CERS1: variants seen among roughly 807,000 people sequenced by gnomAD.
CERS1 encodes ceramide synthase 1, also known as Embryonic growth/differentiation factor 1.
Under a neutral mutation model 35.7 loss-of-function variants are expected in CERS1, and 16 were observed. The observed-to-expected ratio is 0.45, with a 90% CI of 0.30 to 0.68. The LOEUF (loss-of-function observed/expected upper bound fraction) is 0.68, where lower values mean the gene tolerates loss of function less well. Among genes scored for constraint, CERS1 ranks in the 30% least tolerant of loss-of-function variants. CERS1 has a pLI of 0.08. For missense variants in CERS1, 454 were observed against 453.9 expected (o/e 1.00, Z 0.00); for synonymous variants, 243 against 201.6 (o/e 1.21, Z -1.74).
rs1479440436 is a variant in CERS1, at chr19:18,878,708, GC to G, written c.1010+221del. 5 of 1,376,488 alleles carry G rather than the reference GC, an allele frequency of 3.6e-6. No individual in the cohort carries two copies. Among genetic ancestry groups the G allele is most frequent in the Non-Finnish European group, 4.7e-6 (5 of 1,062,498 alleles). 85.3% of individuals were successfully genotyped at this position (1,376,488 alleles called of 1,614,324 possible). A position where few individuals can be genotyped will look rare whatever the true frequency, so the allele number is the denominator to read the frequency against. ...TGAGACCCTGCCTGTCGCCCTGCCT[GC>G]CCCTCCCCAGCCTCTCCCTCCCCTT... is the stretch of plus-strand genomic sequence containing the variant. On this transcript the variant is annotated intron_variant, in intron 6 of 7. Transcript: ENST00000623882. This position sits in a 1 kb window ranked among gnomAD's most constrained non-coding sequence, Gnocchi z 4.6.
intron 2 of CERS1, among the ~76,000 whole-genome samples, chr19:18,888,890 T>TG (rs199739827): frequency 0.064 from 7,954 of 123,672 alleles, 268 homozygotes; most frequent in Middle Eastern, 0.14. Context: ...TCTTTCTTTC[T>TG]TTTTTTTTTT....
At chr19:18,894,694 C>A (rs747030345) in intron 1 of CERS1, among the ~76,000 whole-genome samples, 3 of 152,128 alleles carry the variant, frequency 2.0e-5, no homozygotes, top group Admixed American at 6.5e-5. Flanking sequence ...CCCTGGACAG[C>A]CCTGTCTCCC....
chr19:18,884,318 T>C (rs2146033939), intron 2 of CERS1, 51 bp from the exon 3 acceptor site: 1 of 1,534,504 alleles, frequency 6.5e-7, no homozygotes, highest in Non-Finnish European at 8.8e-7. Context: ...CTCTAGACGA[T>C]CGCCTCCATG....
At position 18,893,320 on chromosome 19, in the gene CERS1, T is replaced by C. The variant is rs537111344; in HGVS notation, c.409+96A>G. ...GCCTCCAACTCCTGGGCTCCAGTGA[T>C]CCTCCTGCTTCTGCCTCATGAGTAG... On this transcript the variant is annotated intron_variant, in intron 2 of 7. Coordinates refer to ENST00000623882, the MANE Select transcript of CERS1 (RefSeq NM_021267.5). The C allele has an allele frequency of 7.3e-4, 1,007 of 1,379,782 alleles. 3 individuals carry two copies. The highest frequency in any genetic ancestry group is 9.1e-4 in the Non-Finnish European group (932 of 1,020,892). The allele number at this position is 1,379,782 out of a possible 1,614,324, so 85.5% of individuals were successfully genotyped here.
intron 7 of CERS1, 45 bp downstream of exon 7, chr19:18,869,938 G>A (rs1290559806): frequency 6.5e-7 from 1 of 1,533,096 alleles, no homozygotes. Context: ...CGCCCTGCGA[G>A]GTCTGGCCTC....
chr19:18,870,693 C>A lies in CERS1; in HGVS notation c.1011-74G>T. ...CCTGGCCCTCTTTCCCGCTTCTTCT[C>A]TGGCCGTTTCACACCCCCTGGCTCC... On this transcript the variant is annotated intron_variant, in intron 6 of 7. Transcript: ENST00000623882. The surrounding 1 kb of genome is among the most constrained non-coding windows in gnomAD (Gnocchi z 5.1). 1 of 504,768 alleles carries A rather than the reference C, an allele frequency of 2.0e-6. No individual in the cohort carries two copies. The highest frequency in any genetic ancestry group is 3.6e-6 in the Non-Finnish European group (1 of 278,810). The allele number at this position is 504,768 out of a possible 1,614,324, so 31.3% of individuals were successfully genotyped here.
intron 6 of CERS1, among the ~76,000 whole-genome samples, chr19:18,872,125 G>C (rs910174018): frequency 2.0e-5 from 3 of 152,240 alleles, no homozygotes; most frequent in Admixed American, 2.0e-4. Context: ...CCCACAGAGA[G>C]TATAGATTCC....
chr19:18,874,897 A>G (rs1176638262), intron 6 of CERS1, among the ~76,000 whole-genome samples: 1 of 152,170 alleles, frequency 6.6e-6, no homozygotes, highest in Non-Finnish European at 1.5e-5. Context: ...GAGTTACCTA[A>G]AAGTGGTTCT....
At chr19:18,884,040 C>G in intron 3 of CERS1, 47 bp downstream of exon 3, 1 of 1,583,030 alleles carries the variant, frequency 6.3e-7, no homozygotes, top group South Asian at 1.1e-5. Context: ...CCTCCGCACT[C>G]TGTGTGGGCT....
intron 2 of CERS1, among the ~76,000 whole-genome samples, chr19:18,892,779 G>A (rs2056524015): frequency 6.6e-6 from 1 of 152,100 alleles, no homozygotes; most frequent in Admixed American, 6.6e-5. Flanking sequence ...GGTCCTTCCA[G>A]GATGTCTTCC....
At chr19:18,874,111 C>T (rs954501198) in intron 6 of CERS1, among the ~76,000 whole-genome samples, 8 of 152,220 alleles carry the variant, frequency 5.3e-5, no homozygotes, top group African/African-American at 1.7e-4. Flanking sequence ...CATCCCTAGC[C>T]TCAGAGAGAG....
At chr19:18,872,409 G>GCA (rs1294057689) in intron 6 of CERS1, among the ~76,000 whole-genome samples, 1 of 151,932 alleles carries the variant, frequency 6.6e-6, no homozygotes, top group Non-Finnish European at 1.5e-5. Context: ...GTGCAGTGGC[G>GCA]CAATCTTGGC....
rs1334821444 is a variant in CERS1, at chr19:18,895,843, G to T, written c.230C>A (p.Ala77Asp). Residue 77 changes from alanine (A) to aspartate (D), a missense_variant, in exon 1 of 8, where the codon GCC becomes GAC. Ala to Asp is a moderately radical substitution (Grantham distance 126). Coordinates refer to ENST00000623882, the MANE Select transcript of CERS1 (RefSeq NM_021267.5). This position sits in a 1 kb window ranked among gnomAD's most constrained non-coding sequence, Gnocchi z 6.4. Reference sequence around the variant, plus strand: ...ACTGACCCGAAAGAGGCGCGCAGTGGCCGCGGAGCGCAGGGCGGTCCAGCC... The same window carrying T: ...ACTGACCCGAAAGAGGCGCGCAGTGTCCGCGGAGCGCAGGGCGGTCCAGCC... ...ALGWTALRSA[A>D]TARLFRPLAK... The T allele has an allele frequency of 1.5e-6, 2 of 1,295,564 alleles. No homozygotes were observed. The highest frequency in any genetic ancestry group is 2.0e-5 in the South Asian group (1 of 51,132). 80.3% of individuals were successfully genotyped at this position (1,295,564 alleles called of 1,614,324 possible). A position where few individuals can be genotyped will look rare whatever the true frequency, so the allele number is the denominator to read the frequency against.
intron 6 of CERS1, chr19:18,877,998 C>CT: frequency 1.0e-6 from 1 of 985,534 alleles, no homozygotes; most frequent in Non-Finnish European, 1.2e-6. Flanking sequence ...GGTGGGGGGT[C>CT]TGACGCTCCT....
At chr19:18,885,699 T>TC (rs1047403445) in intron 2 of CERS1, among the ~76,000 whole-genome samples, 5 of 151,188 alleles carry the variant, frequency 3.3e-5, no homozygotes, top group African/African-American at 9.7e-5. Context: ...TTTTTTTTTT[T>TC]CAGTAGAGAC....
intron 3 of CERS1, 126 bp downstream of exon 3, chr19:18,883,961 G>T: frequency 2.9e-6 from 3 of 1,028,340 alleles, no homozygotes; most frequent in Non-Finnish European, 2.8e-6. Flanking sequence ...CTCTGACCTT[G>T]GAACCCTGAG....
At chr19:18,882,624 G>A (rs963264062) in intron 3 of CERS1, among the ~76,000 whole-genome samples, 3 of 151,282 alleles carry the variant, frequency 2.0e-5, no homozygotes, top group Non-Finnish European at 4.4e-5. Flanking sequence ...GCGACAGAGC[G>A]AGACTCTGTC....
chr19:18,875,723 C>G (rs1420237811), intron 6 of CERS1, among the ~76,000 whole-genome samples: 1 of 152,142 alleles, frequency 6.6e-6, no homozygotes, highest in Non-Finnish European at 1.5e-5. Context: ...CCTTAGACAA[C>G]AAGACCAGTG....
chr19:18,880,531 A>C, intron 3 of CERS1, 96 bp from the exon 4 acceptor site: 57 of 1,272,140 alleles, frequency 4.5e-5, no homozygotes, highest in Non-Finnish European at 5.8e-5. Context: ...GCTACACCTC[A>C]GGCTCCCCGT....
Sources: gnomAD v4.1 joint callset for allele counts (sites outside exome capture counted in the v4.1 genomes callset) on GRCh38, gnomAD v4.1.1 for gene constraint, Gnocchi (gnomAD v3.1) non-coding constraint, MANE v1.5 for transcripts, NCBI Gene and HGNC (gene_info 2026-07-23, HGNC 2026-07-21) for gene names.